COL25A1: variants seen among roughly 807,000 people sequenced by gnomAD.
COL25A1 encodes collagen alpha-1(XXV) chain.
A neutral mutation model predicts 128.4 loss-of-function variants in COL25A1; 103 were observed. The ratio of observed to expected loss-of-function variants is 0.80; its 90% confidence interval spans 0.68 to 0.94. The LOEUF is 0.94. Among genes scored for constraint, COL25A1 ranks in the 40% least tolerant of loss-of-function variants. The pLI is 0.00. For synonymous variants in COL25A1, 279 were observed against 277.2 expected, an observed-to-expected ratio of 1.01 and a Z score of -0.06; for missense variants, 745 against 840.0, an observed-to-expected ratio of 0.89 and a Z score of 1.40.
chr4:109,076,809 A>G (rs574873222), intron 3 of COL25A1, among the ~76,000 whole-genome samples: 83 of 152,166 alleles, frequency 5.5e-4, no homozygotes, highest in African/African-American at 2.0e-3. Flanking sequence ...TAAGGAACGC[A>G]CAACCTAGAT....
At chr4:108,935,712 T>A (rs1013366963) in intron 11 of COL25A1, among the ~76,000 whole-genome samples, 2 of 152,184 alleles carry the variant, frequency 1.3e-5, no homozygotes, top group African/African-American at 2.4e-5. Flanking sequence ...ATGCAAGTGA[T>A]TTAGGATCAG....
intron 6 of COL25A1, among the ~76,000 whole-genome samples, chr4:108,981,373 A>G (rs543646566): frequency 6.6e-6 from 1 of 152,354 alleles, no homozygotes; most frequent in Non-Finnish European, 1.5e-5. Context: ...GTTGTTTTAT[A>G]GACTTTCAAC....
Position 108,992,836 on chromosome 4 carries a change from T to C in COL25A1, c.438+17522A>G, listed in dbSNP as rs989158611. On this transcript the variant is annotated intron_variant, in intron 6 of 37. Coordinates refer to ENST00000399132, the MANE Select transcript of COL25A1 (RefSeq NM_198721.4). ...GTCATTATATTTTGTTTGTTTTGTTTTTTTTTTGTTCTTATTATTCTATTT... is the reference window on the plus strand; with the variant it reads ...GTCATTATATTTTGTTTGTTTTGTTCTTTTTTTGTTCTTATTATTCTATTT... 5.9e-5 allele frequency among the ~76,000 whole-genome samples: 9 copies of C among 151,862 alleles called. No individual in the cohort carries two copies. In the East Asian group the frequency reaches 1.7e-3, roughly 29 times the overall value.
intron 32 of COL25A1, among the ~76,000 whole-genome samples, chr4:108,829,827 G>A (rs1007032537): frequency 1.3e-5 from 2 of 152,134 alleles, no homozygotes; most frequent in African/African-American, 4.8e-5. Context: ...TCTGGCAAAT[G>A]AGGTGTCAGG....
At chr4:109,095,283 G>A (rs1183624290) in intron 3 of COL25A1, among the ~76,000 whole-genome samples, 2 of 152,158 alleles carry the variant, frequency 1.3e-5, no homozygotes, top group Non-Finnish European at 2.9e-5. Flanking sequence ...TTGTCTGTCA[G>A]AACACCAAAG....
Position 109,073,210 on chromosome 4 carries a change from G to A in COL25A1, c.368-23031C>T, listed in dbSNP as rs535936173. Among the ~76,000 whole-genome samples the A allele has an allele frequency of 2.5e-4, 38 of 152,242 alleles. No individual in the cohort carries two copies. The South Asian group carries it at 7.7e-3, about 31-fold the overall frequency. ...CAGGAGGGGAGGCATGGTGGAGGGA[G>A]AGAAACCAAGACCTTGGCCTCTTAC... On this transcript the variant is annotated intron_variant, in intron 3 of 37. Transcript: ENST00000399132.
Position 108,974,485 on chromosome 4 carries a change from G to A in COL25A1, c.465+48C>T, listed in dbSNP as rs149093972. The A allele has an allele frequency of 3.5e-4, 566 of 1,606,660 alleles. 2 individuals are homozygous for A. In the African/African-American group the frequency reaches 6.6e-3, roughly 19 times the overall value. On this transcript the variant is annotated intron_variant, in intron 7 of 37. Coordinates refer to ENST00000399132, the MANE Select transcript of COL25A1 (RefSeq NM_198721.4). The stretch of plus-strand genomic sequence containing the variant: ...CAAAATGTAACACAGTATAGGTCAC[G>A]CCAATATGGATCTTCACTAACTTTA...
intron 5 of COL25A1, among the ~76,000 whole-genome samples, chr4:109,021,074 C>T (rs2125900333): frequency 6.6e-6 from 1 of 152,316 alleles, no homozygotes; most frequent in Non-Finnish European, 1.5e-5. Flanking sequence ...GTCAGCCACT[C>T]AGTCACATAG....
At chr4:108,983,803 T>C (rs1034525255) in intron 6 of COL25A1, among the ~76,000 whole-genome samples, 3 of 151,590 alleles carry the variant, frequency 2.0e-5, no homozygotes, top group East Asian at 1.9e-4. Context: ...GCTTCAGGAG[T>C]GAAGCTGCAG....
chr4:108,972,051 A>G (rs1347096228), intron 8 of COL25A1, among the ~76,000 whole-genome samples: 2 of 152,146 alleles, frequency 1.3e-5, no homozygotes, highest in Non-Finnish European at 2.9e-5. Context: ...ATTTATTCCC[A>G]CTGGACACTT....
chr4:109,097,952 G>A (rs896585393), intron 3 of COL25A1, among the ~76,000 whole-genome samples: 3 of 151,880 alleles, frequency 2.0e-5, no homozygotes, highest in Non-Finnish European at 4.4e-5. Flanking sequence ...GTGAGCCACC[G>A]GCACCAGGCA....
At chr4:109,239,409 T>C (rs1419442583) in intron 3 of COL25A1, among the ~76,000 whole-genome samples, 3 of 135,702 alleles carry the variant, frequency 2.2e-5, no homozygotes, top group Admixed American at 7.7e-5. Flanking sequence ...TATATATATA[T>C]ATATATATAT....
At chr4:109,050,202 T>G in intron 3 of COL25A1, 23 bp from the exon 4 acceptor site, 2 of 1,590,046 alleles carry the variant, frequency 1.3e-6, no homozygotes, top group Non-Finnish European at 1.7e-6. Flanking sequence ...GGATAATTTT[T>G]TTAGTGTAGT....
intron 3 of COL25A1, among the ~76,000 whole-genome samples, chr4:109,151,424 T>C (rs1482830913): frequency 6.6e-6 from 1 of 152,120 alleles, no homozygotes; most frequent in Non-Finnish European, 1.5e-5. Flanking sequence ...CAGAACCTTA[T>C]GACTATTCAA....
At chr4:108,942,205 A>C in intron 8 of COL25A1, 1 of 1,550,230 alleles carries the variant, frequency 6.5e-7, no homozygotes, top group South Asian at 1.2e-5. Context: ...TGACAACCAC[A>C]AACCTTGACG....
intron 3 of COL25A1, among the ~76,000 whole-genome samples, chr4:109,192,875 A>T (rs1247298739): frequency 6.6e-6 from 1 of 151,912 alleles, no homozygotes; most frequent in Non-Finnish European, 1.5e-5. Flanking sequence ...AAAAAAAGAA[A>T]AGGGAAGGTG....
chr4:108,876,376 G>A (rs1424338654), intron 19 of COL25A1, among the ~76,000 whole-genome samples: 2 of 151,932 alleles, frequency 1.3e-5, no homozygotes, highest in Non-Finnish European at 2.9e-5. Flanking sequence ...ATTTAAAAAT[G>A]TTCTCCTCCT....
chr4:109,082,284 T>C (rs1763915149), intron 3 of COL25A1, among the ~76,000 whole-genome samples: 1 of 152,252 alleles, frequency 6.6e-6, no homozygotes, highest in Non-Finnish European at 1.5e-5. Context: ...TACAAGTTTT[T>C]GCATAGACAT....
intron 35 of COL25A1, chr4:108,823,917 C>T: frequency 3.6e-6 from 5 of 1,379,352 alleles, no homozygotes; most frequent in Middle Eastern, 2.6e-4. Context: ...AAATTGGTGT[C>T]AGGTGGTTGA....
Sources: gnomAD v4.1 joint callset for allele counts (sites outside exome capture counted in the v4.1 genomes callset) on GRCh38, gnomAD v4.1.1 for gene constraint, MANE v1.5 for transcripts, NCBI Gene and HGNC (gene_info 2026-07-23, HGNC 2026-07-21) for gene names.